DDR2: variants seen among roughly 807,000 people sequenced by gnomAD.
The protein encoded by DDR2 is discoidin domain receptor tyrosine kinase 2.
DDR2 carries 27 observed loss-of-function variants against 94.9 expected under a neutral mutation model. The observed-to-expected ratio is 0.28, with a 90% CI of 0.21 to 0.39. DDR2 has a LOEUF of 0.39. Among genes scored for constraint, DDR2 ranks in the 10% least tolerant of loss-of-function variants. DDR2 has a pLI of 1.00. For synonymous variants in DDR2, 382 were observed against 377.2 expected (o/e 1.01, Z -0.15); for missense variants, 783 against 1,076.0 (o/e 0.73, Z 3.81).
At chr1:162,683,829 A>G (rs1047254462) in intron 2 of DDR2, among the ~76,000 whole-genome samples, 8 of 152,144 alleles carry the variant, frequency 5.3e-5, no homozygotes, top group African/African-American at 1.9e-4. Context: ...TATACATTTA[A>G]TATAATTCCT....
intron 3 of DDR2, among the ~76,000 whole-genome samples, chr1:162,734,942 A>T (rs567768297): frequency 6.6e-6 from 1 of 152,202 alleles, no homozygotes. Flanking sequence ...AACGAAGAAG[A>T]GCTAGAAGGC....
chr1:162,725,448 G>C (rs892978140), intron 3 of DDR2, among the ~76,000 whole-genome samples: 4 of 152,192 alleles, frequency 2.6e-5, no homozygotes, highest in Admixed American at 1.3e-4. Flanking sequence ...GCATGAACAT[G>C]ACTCACTGCA....
At chr1:162,750,085 A>G (rs1464831670) in intron 3 of DDR2, among the ~76,000 whole-genome samples, 1 of 152,210 alleles carries the variant, frequency 6.6e-6, no homozygotes, top group Non-Finnish European at 1.5e-5. Flanking sequence ...AACTGGCACA[A>G]GACAGGGATG....
chr1:162,643,373 C>G (rs1657242428), intron 1 of DDR2, among the ~76,000 whole-genome samples: 1 of 152,182 alleles, frequency 6.6e-6, no homozygotes, highest in Non-Finnish European at 1.5e-5. Flanking sequence ...GTTGACCTAT[C>G]TATACAGGTA....
chr1:162,780,886 A>G lies in DDR2; in HGVS notation c.*640A>G, dbSNP rs924589538. ...TGGGCAGGGGTCAGGATTGAAGTTC[A>G]TATATGAAACAACTGGGGATGTAGA... On this transcript the variant is annotated 3_prime_UTR_variant, in exon 18 of 18. Transcript: ENST00000367921. 1 of 152,870 alleles carries G rather than the reference A, an allele frequency of 6.5e-6. No homozygotes were observed. Among genetic ancestry groups the G allele is most frequent in the African/African-American group, 2.4e-5 (1 of 41,430 alleles). 9.5% of individuals were successfully genotyped at this position (152,870 alleles called of 1,614,324 possible).
intron 3 of DDR2, among the ~76,000 whole-genome samples, chr1:162,741,390 G>A (rs1380734308): frequency 6.7e-6 from 1 of 148,436 alleles, no homozygotes; most frequent in Non-Finnish European, 1.5e-5. Flanking sequence ...CATTTCCTTT[G>A]AACGTCATGC....
chr1:162,708,024 A>G (rs1343465920), intron 2 of DDR2, among the ~76,000 whole-genome samples: 1 of 152,190 alleles, frequency 6.6e-6, no homozygotes, highest in Non-Finnish European at 1.5e-5. Flanking sequence ...TATGGTTGCA[A>G]AGGCCTGGGA....
intron 3 of DDR2, among the ~76,000 whole-genome samples, chr1:162,730,191 A>C (rs995105649): frequency 2.0e-5 from 3 of 152,098 alleles, no homozygotes; most frequent in Admixed American, 6.6e-5. Context: ...TGAGTAAATT[A>C]GAAGGAAGAT....
At chr1:162,696,230 A>G (rs1660182464) in intron 2 of DDR2, among the ~76,000 whole-genome samples, 1 of 151,012 alleles carries the variant, frequency 6.6e-6, no homozygotes, top group Non-Finnish European at 1.5e-5. Context: ...AAAAACAAAA[A>G]CAAATAACAC....
chr1:162,713,814 T>C (rs542159295), intron 2 of DDR2, among the ~76,000 whole-genome samples: 2 of 152,298 alleles, frequency 1.3e-5, no homozygotes, highest in African/African-American at 4.8e-5. Flanking sequence ...TGTGCATGCC[T>C]CATTGTGTAC....
chr1:162,667,066 CATCT>C (rs956839131), intron 2 of DDR2, among the ~76,000 whole-genome samples: 24 of 151,608 alleles, frequency 1.6e-4, no homozygotes, highest in South Asian at 4.2e-4. Context: ...ATCTATCAAT[CATCT>C]ATCTATCTCC....
chr1:162,686,689 T>A (rs1041251729), intron 2 of DDR2, among the ~76,000 whole-genome samples: 1 of 152,242 alleles, frequency 6.6e-6, no homozygotes, highest in Non-Finnish European at 1.5e-5. Flanking sequence ...CGTGTGCATG[T>A]GCCTTTATAG....
chr1:162,776,107 A>T (rs771549821), intron 15 of DDR2, 29 bp from the exon 16 acceptor site: 2 of 1,578,542 alleles, frequency 1.3e-6, no homozygotes. Flanking sequence ...TCCATAGGCT[A>T]CCTTCTGTCT....
At position 162,744,960 on chromosome 1, in the gene DDR2, T is replaced by G. The variant is rs563712702; in HGVS notation, c.83-8135T>G. On this transcript the variant is annotated intron_variant, in intron 3 of 17. Coordinates refer to ENST00000367921, the MANE Select transcript of DDR2 (RefSeq NM_006182.4). The stretch of plus-strand genomic sequence containing the variant: ...CATCATTTTACATTCCCACTAACAG[T>G]TTATAAGGGTTCCAGTTTCTCTACA... Among the ~76,000 whole-genome samples, 9 of 152,316 alleles carry G rather than the reference T, an allele frequency of 5.9e-5. No homozygotes were observed. The South Asian group carries it at 1.9e-3, about 32-fold the overall frequency.
chr1:162,708,096 G>A (rs1660738275), intron 2 of DDR2, among the ~76,000 whole-genome samples: 2 of 152,144 alleles, frequency 1.3e-5, no homozygotes, highest in Admixed American at 1.3e-4. Flanking sequence ...TCTCTTTGTG[G>A]TAAAAACACC....
intron 3 of DDR2, among the ~76,000 whole-genome samples, chr1:162,741,124 A>G (rs762436591): frequency 3.3e-5 from 5 of 151,110 alleles, no homozygotes; most frequent in Admixed American, 6.6e-5. Flanking sequence ...GCTTGGGACC[A>G]GAAGTGTTTC....
chr1:162,766,077 C>T lies in DDR2; in HGVS notation c.1162+14C>T, dbSNP rs367840856. The T allele has an allele frequency of 1.2e-5, 19 of 1,612,940 alleles. No individual in the cohort carries two copies. The highest frequency in any genetic ancestry group is 6.7e-5 in the Admixed American group (4 of 59,962). On this transcript the variant is annotated intron_variant, in intron 10 of 17. Transcript: ENST00000367921. Reference sequence around the variant, plus strand: ...CCACAACCTATGGTATATGTGATTCCTAATTACACAAATTAATTTGAAGGG... The same window carrying T: ...CCACAACCTATGGTATATGTGATTCTTAATTACACAAATTAATTTGAAGGG...
rs1657039165 is a variant in DDR2 at position 162,639,895 on chromosome 1, A to G, written c.-192+7264A>G. ...CAGGAATTAGGGGTGAGGGAGGGATAAATTGAACACAGAGGATTTTTAGGG... is the reference window on the plus strand; with the variant it reads ...CAGGAATTAGGGGTGAGGGAGGGATGAATTGAACACAGAGGATTTTTAGGG... On this transcript the variant is annotated intron_variant, in intron 1 of 17. Transcript: ENST00000367921. Among the ~76,000 whole-genome samples the G allele has an allele frequency of 2.0e-5, 3 of 152,164 alleles. No homozygotes were observed. In the South Asian group the frequency reaches 6.2e-4, roughly 32 times the overall value.
chr1:162,657,994 T>C (rs992778004), intron 2 of DDR2, among the ~76,000 whole-genome samples: 2 of 152,198 alleles, frequency 1.3e-5, no homozygotes, highest in African/African-American at 4.8e-5. Flanking sequence ...AGTGTCTTCC[T>C]TTCCTTTTCT....
Sources: allele counts gnomAD v4.1 joint callset (sites outside exome capture counted in the v4.1 genomes callset), GRCh38; gene constraint gnomAD v4.1.1; transcripts MANE v1.5; gene names NCBI Gene and HGNC (gene_info 2026-07-23, HGNC 2026-07-21).